Variants in EFCAB8 observed in about 807,000 individuals in gnomAD.
The protein encoded by EFCAB8 is EF-hand calcium binding domain 8.
EFCAB8 carries 100 observed loss-of-function variants against 116.3 expected under a neutral mutation model. The ratio of observed to expected loss-of-function variants is 0.86; its 90% confidence interval spans 0.73 to 1.02. The LOEUF (loss-of-function observed/expected upper bound fraction) is 1.02, where lower values mean the gene tolerates loss of function less well. Among genes scored for constraint, EFCAB8 ranks in the 50% least tolerant of loss-of-function variants. The pLI is 0.00. For missense variants in EFCAB8, 1,320 were observed against 1,416.9 expected (o/e 0.93, Z 1.10); for synonymous variants, 558 against 567.9 (o/e 0.98, Z 0.25).
At chr20:32,884,510 G>A (rs1985507076) in intron 5 of EFCAB8, among the ~76,000 whole-genome samples, 1 of 152,226 alleles carries the variant, frequency 6.6e-6, no homozygotes, top group Non-Finnish European at 1.5e-5. Context: ...GCTGAGGATA[G>A]GAGAGAGGAG....
rs1984258747 is a variant in EFCAB8, at chr20:32,863,948, A to G, written c.42+114A>G. The stretch of plus-strand genomic sequence containing the variant: ...TTCTGCATCGGGGAGGGGGTTGCAT[A>G]CTCAGATATTTACTGGGCAGGTAAC... On this transcript the variant is annotated intron_variant, in intron 2 of 26. Coordinates refer to ENST00000400522, the MANE Select transcript of EFCAB8 (RefSeq NM_001143967.2). 6.7e-6 allele frequency: 8 copies of G among 1,201,902 alleles called. No individual in the cohort carries two copies. In the South Asian group the frequency reaches 9.2e-5, roughly 14 times the overall value. The allele number at this position is 1,201,902 out of a possible 1,614,324, so 74.5% of individuals were successfully genotyped here. A position where few individuals can be genotyped will look rare whatever the true frequency, so the allele number is the denominator to read the frequency against.
intron 22 of EFCAB8, among the ~76,000 whole-genome samples, chr20:32,935,287 G>A (rs1238888870): frequency 7.6e-6 from 1 of 130,938 alleles, no homozygotes; most frequent in South Asian, 2.8e-4. Context: ...TGCAACCCCC[G>A]CCTCCCGGGT....
intron 10 of EFCAB8, 38 bp downstream of exon 10, chr20:32,896,565 T>A (rs1336464164): frequency 2.8e-6 from 2 of 717,880 alleles, no homozygotes; most frequent in Admixed American, 2.0e-5. Flanking sequence ...ACAATGGTAA[T>A]TATCTGTACA....
At chr20:32,930,989 A>T (rs146945636) in intron 21 of EFCAB8, among the ~76,000 whole-genome samples, 189 bp from the exon 22 acceptor site, 26 of 152,240 alleles carry the variant, frequency 1.7e-4, no homozygotes, top group Non-Finnish European at 2.9e-4. Flanking sequence ...CTGCCTGCTA[A>T]TCCAGGAGTA....
At chr20:32,948,566 A>AAGAAAG (rs1555871340) in intron 23 of EFCAB8, among the ~76,000 whole-genome samples, 87 of 150,306 alleles carry the variant, frequency 5.8e-4, no homozygotes, top group African/African-American at 2.2e-3. Context: ...GAAAGAAAGA[A>AAGAAAG]AGAAAGAAAG....
chr20:32,912,725 A>G (rs573653167), intron 16 of EFCAB8, 69 bp from the exon 17 acceptor site: 3 of 712,218 alleles, frequency 4.2e-6, no homozygotes, highest in Non-Finnish European at 5.2e-6. Flanking sequence ...ACCTTTAGGA[A>G]GACATTTAGG....
chr20:32,912,452 GAAGA>G (rs1986983855), intron 16 of EFCAB8, among the ~76,000 whole-genome samples: 1 of 129,420 alleles, frequency 7.7e-6, no homozygotes, highest in Non-Finnish European at 1.7e-5. Context: ...AAAAGAAGAA[GAAGA>G]AAGAAAGTGT....
At chr20:32,905,773 AG>A (rs938739766) in intron 11 of EFCAB8, among the ~76,000 whole-genome samples, 3 of 150,300 alleles carry the variant, frequency 2.0e-5, no homozygotes, top group African/African-American at 7.3e-5. Flanking sequence ...AAAAAAAAAA[AG>A]GACATTCCTT....
chr20:32,926,575 A>G (rs1359633257), intron 20 of EFCAB8, among the ~76,000 whole-genome samples: 1 of 149,756 alleles, frequency 6.7e-6, no homozygotes, highest in Non-Finnish European at 1.5e-5. Context: ...TTAGTTACAT[A>G]TGTATACATG....
Position 32,878,706 on chromosome 20 carries a change from A to C in EFCAB8, c.330A>C (p.Gln110His). The change falls in exon 5 of 27, where the codon CAA (glutamine) becomes CAC (histidine). Residue 110 changes from glutamine to histidine, a missense_variant and splice_region_variant. Transcript: ENST00000400522. ...CCTTGTGCTTTCTTTCGAGGCAGCA[A>C]AAGTATGTGGATTACATGATGCGTG... ...DSDCEGFVTWQKYVDYMMREF... is the reference protein window; with the variant it reads ...DSDCEGFVTWHKYVDYMMREF... The C allele has an allele frequency of 6.4e-7, 1 of 1,551,550 alleles. No homozygotes were observed. Among genetic ancestry groups the C allele is most frequent in the Non-Finnish European group, 8.7e-7 (1 of 1,146,884 alleles).
chr20:32,908,440 G>A lies in EFCAB8; in HGVS notation c.1446+28G>A. Reference sequence around the variant, plus strand: ...GAGTGCTGTCCCAGGAGGGAGTGGGGTCAAGGCCGCAGGTGGAGGGCCAGG... The same window carrying A: ...GAGTGCTGTCCCAGGAGGGAGTGGGATCAAGGCCGCAGGTGGAGGGCCAGG... On this transcript the variant is annotated intron_variant, in intron 14 of 26. Coordinates refer to ENST00000400522, the MANE Select transcript of EFCAB8 (RefSeq NM_001143967.2). 6 of 1,249,856 alleles carry A rather than the reference G, an allele frequency of 4.8e-6. No individual in the cohort carries two copies. In the South Asian group the frequency reaches 2.5e-4, roughly 51 times the overall value. The allele number at this position is 1,249,856 out of a possible 1,614,324, so 77.4% of individuals were successfully genotyped here. A position where few individuals can be genotyped will look rare whatever the true frequency, so the allele number is the denominator to read the frequency against.
chr20:32,940,023 C>CCCTCCCTCCCTCCCTTCCTTCCTTCCTT (rs1431524444), intron 22 of EFCAB8, among the ~76,000 whole-genome samples: 1 of 56,076 alleles, frequency 1.8e-5, no homozygotes, highest in African/African-American at 8.5e-5. Flanking sequence ...CTCCCTCCCT[C>CCCTCCCTCCCTCCCTTCCTTCCTTCCTT]CCTTCCTTCC....
Position 32,878,565 on chromosome 20 carries a change from C to T in EFCAB8, c.328-139C>T, listed in dbSNP as rs371854292. On this transcript the variant is annotated intron_variant, in intron 4 of 26. Transcript: ENST00000400522. ...TCGCTCTGTCGCCCAGGTCGGACTG[C>T]GGACTGCAGTGGCGCAATCTCGGCT... The T allele has an allele frequency of 3.6e-4, 173 of 475,416 alleles. 2 individuals are homozygous for T. Among genetic ancestry groups the T allele is most frequent in the Non-Finnish European group, 6.1e-4 (159 of 262,404 alleles). The allele number at this position is 475,416 out of a possible 1,614,324, so 29.4% of individuals were successfully genotyped here.
At chr20:32,955,370 T>C (rs932385324) in intron 23 of EFCAB8, among the ~76,000 whole-genome samples, 1 of 151,980 alleles carries the variant, frequency 6.6e-6, no homozygotes, top group African/African-American at 2.4e-5. Context: ...TGAGACCCTG[T>C]CTCTACAAAA....
chr20:32,957,390 C>T (rs1386805957), intron 23 of EFCAB8, among the ~76,000 whole-genome samples: 1 of 151,930 alleles, frequency 6.6e-6, no homozygotes, highest in Non-Finnish European at 1.5e-5. Context: ...ATATTATTTC[C>T]CCCAGAGCAT....
intron 11 of EFCAB8, among the ~76,000 whole-genome samples, chr20:32,904,089 G>A (rs972355224): frequency 2.0e-5 from 3 of 151,802 alleles, no homozygotes; most frequent in African/African-American, 7.3e-5. Flanking sequence ...CAAACTCCCA[G>A]GCTCAAGTGA....
intron 11 of EFCAB8, among the ~76,000 whole-genome samples, chr20:32,903,039 C>T (rs1015443830): frequency 6.6e-6 from 1 of 152,208 alleles, no homozygotes; most frequent in African/African-American, 2.4e-5. Context: ...TCACCGTGTC[C>T]CCTCAGGCCA....
Position 32,893,178 on chromosome 20 carries a change from G to A in EFCAB8, c.763G>A (p.Asp255Asn). 6.4e-7 allele frequency: 1 copy of A among 1,551,874 alleles called. No homozygotes were observed. Among genetic ancestry groups the A allele is most frequent in the Non-Finnish European group, 8.7e-7 (1 of 1,147,000 alleles). The change falls in exon 9 of 27, where the codon GAC becomes AAC. Residue 255 changes from aspartate (D) to asparagine (N), a missense_variant. Transcript: ENST00000400522. ...SCALVMDYWS[D>N]YHRGVFCYGD... ...TCCGTCTCCATCTTTCTGCAGGTCT[G>A]ACTATCACAGAGGTGTGTTCTGCTA...
At chr20:32,908,037 G>A (rs1406469456) in intron 13 of EFCAB8, among the ~76,000 whole-genome samples, 1 of 152,198 alleles carries the variant, frequency 6.6e-6, no homozygotes, top group African/African-American at 2.4e-5. Flanking sequence ...AGGCCTGGGG[G>A]CAGGCTGGGG....
Sources: gnomAD v4.1 joint callset for allele counts (sites outside exome capture counted in the v4.1 genomes callset) on GRCh38, gnomAD v4.1.1 for gene constraint, MANE v1.5 for transcripts, NCBI Gene and HGNC (gene_info 2026-07-23, HGNC 2026-07-21) for gene names.